The following TMCC1 variants were observed in gnomAD, a reference collection of about 807,000 sequenced individuals.
TMCC1 encodes transmembrane and coiled-coil domain family 1, also known as transmembrane and coiled-coil domains protein 1.
In TMCC1, 15 loss-of-function variants were observed where a neutral mutation model predicts 52.4. The ratio of observed to expected loss-of-function variants is 0.29; its 90% CI spans 0.19 to 0.44. The LOEUF (loss-of-function observed/expected upper bound fraction) is 0.44. Among genes scored for constraint, TMCC1 ranks in the 20% least tolerant of loss-of-function variants. The probability of loss-of-function intolerance (pLI) is 1.00; values close to 1 mark genes in which losing one functional copy is unlikely to be tolerated. For synonymous variants in TMCC1, 279 were observed against 301.9 expected, an observed-to-expected ratio of 0.92 and a Z score of 0.79; for missense variants, 503 against 806.0, an observed-to-expected ratio of 0.62 and a Z score of 4.55.
At chr3:129,775,364 G>A (rs1485751438) in intron 4 of TMCC1, among the ~76,000 whole-genome samples, 3 of 152,210 alleles carry the variant, frequency 2.0e-5, no homozygotes, top group Non-Finnish European at 4.4e-5. Flanking sequence ...CTTGGGAGGA[G>A]CCTGAGGTGG....
At chr3:129,825,349 A>G (rs760131951) in intron 4 of TMCC1, among the ~76,000 whole-genome samples, 3 of 152,162 alleles carry the variant, frequency 2.0e-5, no homozygotes, top group South Asian at 2.1e-4. Context: ...CCTTCTGCCT[A>G]TAAGTAATCC....
At chr3:129,802,644 T>C (rs758976636) in intron 4 of TMCC1, among the ~76,000 whole-genome samples, 4 of 152,120 alleles carry the variant, frequency 2.6e-5, no homozygotes, top group Admixed American at 6.5e-5. Flanking sequence ...TGTGAAGCAA[T>C]AGCACCTAGG....
intron 4 of TMCC1, among the ~76,000 whole-genome samples, chr3:129,743,017 C>T (rs1205835731): frequency 1.3e-5 from 2 of 152,036 alleles, no homozygotes; most frequent in Non-Finnish European, 2.9e-5. Context: ...TTAGTAATTG[C>T]CTAGTGCCGG....
intron 4 of TMCC1, among the ~76,000 whole-genome samples, chr3:129,716,369 C>G (rs1560255008): frequency 7.6e-6 from 1 of 130,876 alleles, no homozygotes; most frequent in Admixed American, 9.5e-5. Context: ...GAGTCTCGCT[C>G]TGTCACTCAG....
chr3:129,868,931 A>G (rs999035971), intron 2 of TMCC1: 2 of 152,240 alleles, frequency 1.3e-5, no homozygotes, highest in Non-Finnish European at 2.9e-5. Flanking sequence ...GTAGTGTGCT[A>G]TAAGAAACAT....
chr3:129,828,234 C>T lies in TMCC1; in HGVS notation c.145G>A (p.Gly49Ser), dbSNP rs1560502245. 1.2e-6 allele frequency: 2 copies of T among 1,614,034 alleles called. No homozygotes were observed. Among genetic ancestry groups the T allele is most frequent in the Non-Finnish European group, 1.7e-6 (2 of 1,180,030 alleles). Reference sequence around the variant, plus strand: ...TGGAAGAGATGCTTCAAGCCTTGGCCAATCACGTTAATGTTCTCCAAAGCA... The same window carrying T: ...TGGAAGAGATGCTTCAAGCCTTGGCTAATCACGTTAATGTTCTCCAAAGCA... ...HNALENINVI[G>S]QGLKHLFQHQ... The change falls in exon 4 of 7, where the codon GGC becomes AGC. Residue 49 changes from glycine to serine, a missense_variant. Physicochemically the swap from Gly to Ser is moderately conservative, Grantham distance 56. Coordinates refer to ENST00000393238, the MANE Select transcript of TMCC1 (RefSeq NM_001017395.5). This position sits in a 1 kb window ranked among gnomAD's most constrained non-coding sequence, Gnocchi z 4.1.
chr3:129,725,638 G>A (rs1031659647), intron 4 of TMCC1, among the ~76,000 whole-genome samples: 2 of 151,788 alleles, frequency 1.3e-5, no homozygotes, highest in East Asian at 1.9e-4. Flanking sequence ...TTTTCTTTAG[G>A]TCATTTTATA....
intron 2 of TMCC1, among the ~76,000 whole-genome samples, chr3:129,849,764 T>TA (rs2059829194): frequency 6.7e-6 from 1 of 149,656 alleles, no homozygotes; most frequent in Admixed American, 6.7e-5. Context: ...AGACTCCATC[T>TA]CAAAAAAAAA....
intron 4 of TMCC1, among the ~76,000 whole-genome samples, chr3:129,683,938 CTG>C (rs1054141947): frequency 3.9e-5 from 6 of 152,120 alleles, no homozygotes; most frequent in Non-Finnish European, 8.8e-5. Flanking sequence ...TTCCTAAAAT[CTG>C]TACTTAATTT....
chr3:129,769,952 T>C (rs1338112245), intron 4 of TMCC1, among the ~76,000 whole-genome samples: 1 of 152,222 alleles, frequency 6.6e-6, no homozygotes, highest in Non-Finnish European at 1.5e-5. Context: ...ATTAAAGATA[T>C]TTCTATAAAG....
chr3:129,801,663 T>C (rs2057204968), intron 4 of TMCC1, among the ~76,000 whole-genome samples: 1 of 152,162 alleles, frequency 6.6e-6, no homozygotes, highest in Non-Finnish European at 1.5e-5. Flanking sequence ...CTCAAACTCC[T>C]GACTTTGTGA....
At position 129,649,438 on chromosome 3, in the gene TMCC1, AGAAAAAAAGCAC is replaced by A; in HGVS notation, c.*2031_*2042del. ...TTGGTTCTAATTTTTTTTTTTTTAA[AGAAAAAAAGCAC>A]CCTTGTGGCCCTGCTCTGGGTGCAG... On this transcript the variant is annotated 3_prime_UTR_variant, in exon 7 of 7. Transcript: ENST00000393238. 1 of 152,354 alleles carries A rather than the reference AGAAAAAAAGCAC, an allele frequency of 6.6e-6. No homozygotes were observed. The highest frequency in any genetic ancestry group is 2.1e-4 in the South Asian group (1 of 4,804). 9.4% of individuals were successfully genotyped at this position (152,354 alleles called of 1,614,324 possible). A position where few individuals can be genotyped will look rare whatever the true frequency, so the allele number is the denominator to read the frequency against.
chr3:129,785,585 AAAC>A (rs762321003), intron 4 of TMCC1, among the ~76,000 whole-genome samples: 5,270 of 148,676 alleles, frequency 0.035, 293 homozygotes, highest in African/African-American at 0.13. Context: ...ACACACACAC[AAAC>A]ACACACACAC....
chr3:129,793,166 A>AACACACAC (rs149082077), intron 4 of TMCC1, among the ~76,000 whole-genome samples: 10 of 148,440 alleles, frequency 6.7e-5, no homozygotes, highest in African/African-American at 2.5e-4. Flanking sequence ...GAGGCCTTCA[A>AACACACAC]ACACACACAC....
In TMCC1 at chr3:129,688,283, C is replaced by A. The variant is rs1045163893; in HGVS notation, c.577-17019G>T. ...GATGGTAAAAAAAAAAAAATCACAA[C>A]CTCTCTTGGCTATAAGCTCTTTCCA... On this transcript the variant is annotated intron_variant, in intron 4 of 6. Transcript: ENST00000393238. 1.2e-5 allele frequency: 12 copies of A among 985,200 alleles called. No individual in the cohort carries two copies. The African/African-American group carries it at 2.1e-4, about 17-fold the overall frequency. The allele number at this position is 985,200 out of a possible 1,614,324, so 61.0% of individuals were successfully genotyped here. A position where few individuals can be genotyped will look rare whatever the true frequency, so the allele number is the denominator to read the frequency against.
chr3:129,879,291 T>C (rs763767218), intron 2 of TMCC1, among the ~76,000 whole-genome samples: 14 of 152,032 alleles, frequency 9.2e-5, no homozygotes, highest in Non-Finnish European at 1.6e-4. Context: ...AAAATAAAAA[T>C]ATTAGCTGAT....
intron 4 of TMCC1, among the ~76,000 whole-genome samples, chr3:129,704,370 A>G (rs1428833680): frequency 6.6e-6 from 1 of 152,180 alleles, no homozygotes; most frequent in African/African-American, 2.4e-5. Flanking sequence ...CAGTATTCAT[A>G]TGCTCTTTGG....
At chr3:129,656,306 A>C (rs1199643711) in intron 5 of TMCC1, among the ~76,000 whole-genome samples, 1 of 152,262 alleles carries the variant, frequency 6.6e-6, no homozygotes, top group Non-Finnish European at 1.5e-5. Flanking sequence ...TGTCAGGCAG[A>C]GGGCAGATGG....
chr3:129,741,099 C>T (rs2051416529), intron 4 of TMCC1, among the ~76,000 whole-genome samples: 1 of 152,092 alleles, frequency 6.6e-6, no homozygotes, highest in African/African-American at 2.4e-5. Context: ...CCACCAGGAT[C>T]TATTATCTTT....
Sources: gnomAD v4.1 joint callset for allele counts (sites outside exome capture counted in the v4.1 genomes callset) on GRCh38, gnomAD v4.1.1 for gene constraint, Gnocchi (gnomAD v3.1) non-coding constraint, MANE v1.5 for transcripts, NCBI Gene and HGNC (gene_info 2026-07-23, HGNC 2026-07-21) for gene names.